The following ZNF37A variants were observed in gnomAD, a reference collection of about 807,000 sequenced individuals.
ZNF37A encodes zinc finger protein 37A, also known as zinc finger protein 37a (KOX 21).
Under a neutral mutation model 12.3 loss-of-function variants are expected in ZNF37A, and 10 were observed. That is an observed-to-expected ratio of 0.82 (90% CI 0.50 to 1.38). ZNF37A has a LOEUF of 1.38. Ranked by LOEUF, ZNF37A falls within the 40% of genes most tolerant of loss-of-function variation. The pLI, the probability that ZNF37A is intolerant of heterozygous loss-of-function variation, is 0.00. For synonymous variants in ZNF37A, 207 were observed against 223.0 expected (o/e 0.93, Z 0.64); for missense variants, 580 against 651.2 (o/e 0.89, Z 1.19).
Position 38,118,464 on chromosome 10 carries a change from C to G in ZNF37A, c.1313C>G (p.Pro438Arg). Residue 438 changes from proline to arginine, a missense_variant, in exon 8 of 8, where the codon CCT (proline) becomes CGT (arginine). Pro to Arg is a moderately radical substitution (Grantham distance 103). Transcript: ENST00000685332. ...CTAAGAACTCACACAGGTGAGAAACCTTATGAATGTATTCAGTGTGGAAAA... is the reference window on the plus strand; with the variant it reads ...CTAAGAACTCACACAGGTGAGAAACGTTATGAATGTATTCAGTGTGGAAAA... ...KHLRTHTGEK[P>R]YECIQCGKFF... The G allele has an allele frequency of 6.2e-7, 1 of 1,614,020 alleles. No homozygotes were observed. The highest frequency in any genetic ancestry group is 1.3e-5 in the African/African-American group (1 of 75,046).
At chr10:38,126,094 A>T (rs1461608038), downstream of ZNF37A, among the ~76,000 whole-genome samples, 2 of 152,232 alleles carry the variant, frequency 1.3e-5, no homozygotes, top group Non-Finnish European at 2.9e-5. Flanking sequence ...TACATTCAAC[A>T]TCAGATTTAG....
At chr10:38,100,070 C>T (rs1486470205) in intron 5 of ZNF37A, among the ~76,000 whole-genome samples, 2 of 151,996 alleles carry the variant, frequency 1.3e-5, no homozygotes, top group Non-Finnish European at 1.5e-5. Context: ...CATCACATGT[C>T]GGTAGGTTCC....
chr10:38,100,324 G>A (rs2135880640), intron 5 of ZNF37A, among the ~76,000 whole-genome samples: 1 of 152,242 alleles, frequency 6.6e-6, no homozygotes, highest in African/African-American at 2.4e-5. Context: ...GGTTTTGAGA[G>A]CAACCGGTCT....
intron 7 of ZNF37A, among the ~76,000 whole-genome samples, chr10:38,135,559 A>G (rs1270924910): frequency 6.6e-6 from 1 of 152,238 alleles, no homozygotes; most frequent in East Asian, 1.9e-4. Flanking sequence ...CCAAAATCAG[A>G]AAACAAAATT....
At chr10:38,150,190 T>A (rs1333046488) in exon 8 of ZNF37A, 4 of 152,166 alleles carry the variant, frequency 2.6e-5, no homozygotes, top group Middle Eastern at 3.2e-3. Context: ...AACAGCACCA[T>A]CCCTTTCCCC....
At chr10:38,096,543 A>G in intron 4 of ZNF37A, 31 bp from the exon 5 acceptor site, 2 of 1,517,978 alleles carry the variant, frequency 1.3e-6, no homozygotes, top group South Asian at 2.4e-5. Flanking sequence ...AAGGCAAGTG[A>G]CATCACTCAT....
chr10:38,124,619 T>G lies in ZNF37A; in HGVS notation c.*5782T>G, dbSNP rs566389103. 10 of 152,286 alleles carry G rather than the reference T, an allele frequency of 6.6e-5. No individual in the cohort carries two copies. Among genetic ancestry groups the G allele is most frequent in the African/African-American group, 2.4e-4 (10 of 41,576 alleles). 9.4% of individuals were successfully genotyped at this position (152,286 alleles called of 1,614,324 possible). A position where few individuals can be genotyped will look rare whatever the true frequency, so the allele number is the denominator to read the frequency against. ...TAAAAATAAAGTAAAATTTCAATGATTAGGAAGACCATTGTTAATATCAGT... is the reference window on the plus strand; with the variant it reads ...TAAAAATAAAGTAAAATTTCAATGAGTAGGAAGACCATTGTTAATATCAGT... On this transcript the variant is annotated 3_prime_UTR_variant, in exon 8 of 8. Coordinates refer to ENST00000685332, the MANE Select transcript of ZNF37A (RefSeq NM_001324250.3).
At chr10:38,124,872 A>G (rs186184107), downstream of ZNF37A, 276 of 152,330 alleles carry the variant, frequency 1.8e-3, 2 homozygotes, top group African/African-American at 6.2e-3. Context: ...ATTCAAAACA[A>G]TTATGGATAC....
rs2069549208 is a variant in ZNF37A, at chr10:38,119,317, G to A, written c.*480G>A. On this transcript the variant is annotated 3_prime_UTR_variant, in exon 8 of 8. Coordinates refer to ENST00000685332, the MANE Select transcript of ZNF37A (RefSeq NM_001324250.3). ...AAGACAGAAACCCTATGGGTGTAAT[G>A]AATGTGGAAAATCATTCTGTGTGAA... 9.8e-7 allele frequency: 1 copy of A among 1,025,306 alleles called. No homozygotes were observed. The highest frequency in any genetic ancestry group is 1.2e-6 in the Non-Finnish European group (1 of 844,120). 63.5% of individuals were successfully genotyped at this position (1,025,306 alleles called of 1,614,324 possible).
At chr10:38,136,714 G>C (rs2070112260) in intron 7 of ZNF37A, among the ~76,000 whole-genome samples, 1 of 152,008 alleles carries the variant, frequency 6.6e-6, no homozygotes, top group Non-Finnish European at 1.5e-5. Flanking sequence ...AAGTTTTTAG[G>C]CATTATTTAT....
At chr10:38,138,785 T>C (rs774592975) in intron 7 of ZNF37A, 29 of 152,152 alleles carry the variant, frequency 1.9e-4, no homozygotes, top group Non-Finnish European at 3.5e-4. Flanking sequence ...TTTAGAGTCT[T>C]GTCATTAAAT....
In ZNF37A at chr10:38,096,830, G is replaced by A. The variant is rs1475583082; in HGVS notation, c.15+198G>A. ...CGAAGGATGGTTTTTATATTTTTAGGTGGCTGAGGGAAAAAAAACAAGAAT... is the reference window on the plus strand; with the variant it reads ...CGAAGGATGGTTTTTATATTTTTAGATGGCTGAGGGAAAAAAAACAAGAAT... On this transcript the variant is annotated intron_variant, in intron 5 of 7. Coordinates refer to ENST00000685332, the MANE Select transcript of ZNF37A (RefSeq NM_001324250.3). Among the ~76,000 whole-genome samples, 8 of 151,666 alleles carry A rather than the reference G, an allele frequency of 5.3e-5. No individual in the cohort carries two copies. In the South Asian group the frequency reaches 1.7e-3, roughly 32 times the overall value.
chr10:38,114,288 G>A (rs1452310296), intron 5 of ZNF37A, among the ~76,000 whole-genome samples: 1 of 152,042 alleles, frequency 6.6e-6, no homozygotes, highest in Admixed American at 6.6e-5. Context: ...TTTCTTATAT[G>A]TTTGCAAAGG....
intron 5 of ZNF37A, among the ~76,000 whole-genome samples, chr10:38,102,944 A>C (rs182991507): frequency 6.6e-6 from 1 of 152,048 alleles, no homozygotes; most frequent in African/African-American, 2.4e-5. Flanking sequence ...TCCTTTGTAC[A>C]TGGTTAGTCC....
rs773772762 is a variant in ZNF37A at position 38,117,641 on chromosome 10, C to CTCTCTCTT, written c.490_491insTCTCTCTT (p.His164LeufsTer68). 3 of 1,613,804 alleles carry CTCTCTCTT rather than the reference C, an allele frequency of 1.9e-6. No homozygotes were observed. The Admixed American group carries it at 5.0e-5, about 27-fold the overall frequency. On this transcript the variant is annotated frameshift_variant, in exon 8 of 8. Coordinates refer to ENST00000685332, the MANE Select transcript of ZNF37A (RefSeq NM_001324250.3). LOFTEE classifies it low-confidence loss of function (END_TRUNC). Reference sequence around the variant, plus strand: ...CCCTGAGAATTCACTCTTCCTTGTACATAAGAGAGGTTACACAGGACAGAA... The same window carrying CTCTCTCTT: ...CCCTGAGAATTCACTCTTCCTTGTACTCTCTCTTATAAGAGAGGTTACACAGGACAGAA...
chr10:38,106,590 G>A (rs766794622), intron 5 of ZNF37A, among the ~76,000 whole-genome samples: 2 of 152,016 alleles, frequency 1.3e-5, no homozygotes, highest in Non-Finnish European at 1.5e-5. Context: ...TCCAATGCAG[G>A]GAAGCTAAGA....
downstream of ZNF37A, among the ~76,000 whole-genome samples, chr10:38,129,303 C>CAAAAAAAAAAAAAAAAAAAAAAAAAAAA (rs2069977236): frequency 2.4e-5 from 1 of 40,926 alleles, no homozygotes; most frequent in Non-Finnish European, 5.4e-5. Context: ...AAGACTCTGT[C>CAAAAAAAAAAAAAAAAAAAAAAAAAAAA]TAAAAAAAAA....
At position 38,112,478 on chromosome 10, in the gene ZNF37A, A is replaced by G. The variant is rs1301684449; in HGVS notation, c.16-2277A>G. ...GGTCTGATTGCAAAAATTAAAAAAA[A>G]TTTGTGCAACCTCAGACATAAACGG... On this transcript the variant is annotated intron_variant, in intron 5 of 7. Coordinates refer to ENST00000685332, the MANE Select transcript of ZNF37A (RefSeq NM_001324250.3). Among the ~76,000 whole-genome samples, 3 of 151,834 alleles carry G rather than the reference A, an allele frequency of 2.0e-5. No individual in the cohort carries two copies. The East Asian group carries it at 5.8e-4, about 29-fold the overall frequency.
chr10:38,115,496 G>GTTT (rs138295167), intron 7 of ZNF37A: 384 of 515,388 alleles, frequency 7.5e-4, no homozygotes, highest in African/African-American at 1.6e-3. Context: ...ACATCTTGTT[G>GTTT]TTTTTTTTAA....
Sources: gnomAD v4.1 joint callset for allele counts (sites outside exome capture counted in the v4.1 genomes callset) on GRCh38, gnomAD v4.1.1 for gene constraint, MANE v1.5 for transcripts, NCBI Gene and HGNC (gene_info 2026-07-23, HGNC 2026-07-21) for gene names.